FKBP9: variants seen among roughly 807,000 people sequenced by gnomAD.
The protein encoded by FKBP9 is FKBP prolyl isomerase 9.
Under a neutral mutation model 55.6 loss-of-function variants are expected in FKBP9, and 27 were observed. That is an observed-to-expected ratio of 0.49 (90% CI 0.36 to 0.67). The LOEUF (loss-of-function observed/expected upper bound fraction) is 0.67, where lower values mean the gene tolerates loss of function less well. Among genes scored for constraint, FKBP9 ranks in the 30% least tolerant of loss-of-function variants. The probability of loss-of-function intolerance (pLI) is 0.00; values close to 1 mark genes in which losing one functional copy is unlikely to be tolerated. For synonymous variants in FKBP9, 267 were observed against 296.5 expected (o/e 0.90, Z 1.02); for missense variants, 539 against 742.8 (o/e 0.73, Z 3.19).
intron 4 of FKBP9, 105 bp downstream of exon 4, chr7:32,976,604 A>G: frequency 2.1e-6 from 3 of 1,459,382 alleles, no homozygotes; most frequent in East Asian, 4.6e-5. Flanking sequence ...TTCGGTCTAG[A>G]CCTACACTGG....
intron 9 of FKBP9, 30 bp downstream of exon 9, chr7:33,002,869 G>GA (rs762593168): frequency 6.2e-7 from 1 of 1,605,866 alleles, no homozygotes; most frequent in East Asian, 2.2e-5. Context: ...AGGAAGGTGG[G>GA]ACCGAAGAGC....
In FKBP9 at chr7:33,002,787, A is replaced by G. The variant is rs1206141691; in HGVS notation, c.1484A>G (p.Asn495Ser). The change falls in exon 9 of 10, where the codon AAC (asparagine) becomes AGC (serine). Residue 495 changes from asparagine (N) to serine (S), a missense_variant. By Grantham distance (46) the Asn-to-Ser change is conservative. Transcript: ENST00000242209. ...ATATGGAATGGTGAGGTGTCACCCA[A>G]CCTCTTTGAAGAAATTGACAAGGAT... ...MFIWNGEVSP[N>S]LFEEIDKDGN... 1 of 1,614,168 alleles carries G rather than the reference A, an allele frequency of 6.2e-7. No individual in the cohort carries two copies.
At chr7:32,982,570 GT>G (rs1784500040) in intron 5 of FKBP9, among the ~76,000 whole-genome samples, 1 of 151,838 alleles carries the variant, frequency 6.6e-6, no homozygotes, top group Non-Finnish European at 1.5e-5. Flanking sequence ...GAATATTTGA[GT>G]TGTTTTTATC....
intron 4 of FKBP9, among the ~76,000 whole-genome samples, chr7:32,977,984 C>T (rs1391342000): frequency 2.7e-5 from 4 of 145,972 alleles, no homozygotes; most frequent in Non-Finnish European, 6.0e-5. Context: ...TGCAGTGGTG[C>T]GATCTCGGCT....
chr7:32,958,534 G>A (rs928186959), intron 1 of FKBP9, among the ~76,000 whole-genome samples: 1 of 152,218 alleles, frequency 6.6e-6, no homozygotes, highest in South Asian at 2.1e-4. Flanking sequence ...GGTGGCTCAC[G>A]CCTGTAGTCC....
rs148597903 is a variant in FKBP9, at chr7:33,006,306, C to A, written c.*955C>A. ...CTAATTTTTGTATTTTTAGTAGAGA[C>A]GGGGTTTCACTGTGTTGGCCAGGAT... On this transcript the variant is annotated 3_prime_UTR_variant, in exon 10 of 10. Transcript: ENST00000242209. 8 of 189,386 alleles carry A rather than the reference C, an allele frequency of 4.2e-5. No individual in the cohort carries two copies. Among genetic ancestry groups the A allele is most frequent in the African/African-American group, 1.9e-4 (8 of 42,916 alleles). 11.7% of individuals were successfully genotyped at this position (189,386 alleles called of 1,614,324 possible). A position where few individuals can be genotyped will look rare whatever the true frequency, so the allele number is the denominator to read the frequency against.
chr7:32,978,806 A>G (rs1464676905), intron 4 of FKBP9, among the ~76,000 whole-genome samples: 1 of 152,212 alleles, frequency 6.6e-6, no homozygotes, highest in African/African-American at 2.4e-5. Flanking sequence ...TACTTTAAAT[A>G]AATAATAGCT....
intron 1 of FKBP9, among the ~76,000 whole-genome samples, chr7:32,959,629 C>T (rs1193457966): frequency 1.3e-5 from 2 of 152,178 alleles, no homozygotes; most frequent in Admixed American, 6.5e-5. Flanking sequence ...TTAGACTGCC[C>T]TCCAGTCCCT....
intron 3 of FKBP9, among the ~76,000 whole-genome samples, chr7:32,975,638 G>A (rs1164640522): frequency 7.4e-6 from 1 of 134,958 alleles, no homozygotes; most frequent in African/African-American, 2.8e-5. Context: ...TTAAGTGAAA[G>A]GTTCTATTTC....
intron 1 of FKBP9, among the ~76,000 whole-genome samples, chr7:32,965,808 AAAAAATATATATATAT>A (rs1354453778): frequency 2.6e-4 from 7 of 27,172 alleles, no homozygotes; most frequent in African/African-American, 9.0e-4. Context: ...AAAAAAAAAA[AAAAAATATATATATAT>A]ATATATATAT....
At position 32,965,797 on chromosome 7, in the gene FKBP9, CAAAAAAA is replaced by C. The variant is rs760247071; in HGVS notation, c.221+8013_221+8019del. Among the ~76,000 whole-genome samples the C allele has an allele frequency of 1.6e-4, 6 of 38,550 alleles. No individual in the cohort carries two copies. In the South Asian group the frequency reaches 3.1e-3, roughly 20 times the overall value. 25.3% of individuals were successfully genotyped at this position (38,550 alleles called of 152,430 possible). On this transcript the variant is annotated intron_variant, in intron 1 of 9. Coordinates refer to ENST00000242209, the MANE Select transcript of FKBP9 (RefSeq NM_007270.5). ...TGGGCAACAGAGCGAGACTCCATGT[CAAAAAAA>C]AAAAAAAAATATATATATATATATA... is the stretch of plus-strand genomic sequence containing the variant.
intron 5 of FKBP9, 109 bp from the exon 6 acceptor site, chr7:32,988,398 C>T (rs1458178633): frequency 3.6e-5 from 39 of 1,078,382 alleles, no homozygotes; most frequent in East Asian, 4.7e-5. Context: ...TACGCTGTTC[C>T]GGAGTCTGGA....
rs1784039330 is a variant in FKBP9 at position 32,962,208 on chromosome 7, C to T, written c.221+4414C>T. Among the ~76,000 whole-genome samples, 3 of 152,164 alleles carry T rather than the reference C, an allele frequency of 2.0e-5. No individual in the cohort carries two copies. In the South Asian group the frequency reaches 6.2e-4, roughly 32 times the overall value. On this transcript the variant is annotated intron_variant, in intron 1 of 9. Transcript: ENST00000242209. ...GGGAGTTGGAGACCAGCCTGACCAA[C>T]ATGGAGAAACCCCGTCTCTACTAAA...
rs10566069 is a variant in FKBP9 at position 32,973,580 on chromosome 7, A to AGTGTGT, written c.222-1016_222-1011dup. Among the ~76,000 whole-genome samples the AGTGTGT allele has an allele frequency of 5.0e-3, 723 of 144,070 alleles. 14 individuals carry two copies. The highest frequency in any genetic ancestry group is 0.017 in the African/African-American group (653 of 37,402). The allele number at this position is 144,070 out of a possible 152,430, so 94.5% of individuals were successfully genotyped here. ...AGCTGGATGACTTTAAAAAAAATCA[A>AGTGTGT]GTGTGTGTGTGTGTGTGTGTGTGTG... On this transcript the variant is annotated intron_variant, in intron 1 of 9. Transcript: ENST00000242209.
At chr7:32,994,227 C>T (rs1233375865) in intron 6 of FKBP9, among the ~76,000 whole-genome samples, 1 of 152,146 alleles carries the variant, frequency 6.6e-6, no homozygotes, top group Non-Finnish European at 1.5e-5. Context: ...CATTAGCGGT[C>T]ACTCTCCGTA....
At chr7:32,991,876 A>G (rs897084611) in intron 6 of FKBP9, among the ~76,000 whole-genome samples, 4 of 151,978 alleles carry the variant, frequency 2.6e-5, no homozygotes, top group Non-Finnish European at 4.4e-5. Context: ...AAGAGAGGAA[A>G]GTTAATAAAT....
At chr7:32,974,805 A>G (rs935191327) in intron 2 of FKBP9, 43 bp downstream of exon 2, 2 of 1,551,848 alleles carry the variant, frequency 1.3e-6, no homozygotes, top group African/African-American at 2.7e-5. Context: ...AGCAGAAACA[A>G]TGAGAACACT....
intron 1 of FKBP9, among the ~76,000 whole-genome samples, chr7:32,968,847 G>A (rs1325702855): frequency 6.6e-6 from 1 of 151,518 alleles, no homozygotes; most frequent in African/African-American, 2.4e-5. Flanking sequence ...TAGTAGAGAC[G>A]GGGTTTTGCC....
intron 1 of FKBP9, among the ~76,000 whole-genome samples, chr7:32,970,321 C>T (rs975371380): frequency 5.9e-5 from 9 of 152,026 alleles, no homozygotes; most frequent in African/African-American, 1.9e-4. Flanking sequence ...CTCAGCCTCC[C>T]GAGTAGCTGG....
Sources: allele counts gnomAD v4.1 joint callset (sites outside exome capture counted in the v4.1 genomes callset), GRCh38; gene constraint gnomAD v4.1.1; transcripts MANE v1.5; gene names NCBI Gene and HGNC (gene_info 2026-07-23, HGNC 2026-07-21).